The following SLC16A12 variants were observed in gnomAD, a reference collection of about 807,000 sequenced individuals.
SLC16A12 encodes solute carrier family 16 member 12.
SLC16A12 carries 17 observed loss-of-function variants against 42.4 expected under a neutral mutation model. The observed-to-expected ratio is 0.40, with a 90% CI of 0.27 to 0.60. The LOEUF (loss-of-function observed/expected upper bound fraction) is 0.60. Ranked by LOEUF, SLC16A12 falls within the 20% of genes least tolerant of loss-of-function variation. The pLI, the probability that SLC16A12 is intolerant of heterozygous loss-of-function variation, is 0.42. For missense variants in SLC16A12, 544 were observed against 623.0 expected (o/e 0.87, Z 1.35); for synonymous variants, 224 against 229.4 (o/e 0.98, Z 0.21).
chr10:89,493,731 A>G (rs899945566), intron 2 of SLC16A12, among the ~76,000 whole-genome samples: 1 of 152,174 alleles, frequency 6.6e-6, no homozygotes, highest in Admixed American at 6.5e-5. Flanking sequence ...TTATACTACC[A>G]GTGTTTTACA....
At chr10:89,491,511 T>TG (rs1456911644) in intron 2 of SLC16A12, among the ~76,000 whole-genome samples, 1 of 146,990 alleles carries the variant, frequency 6.8e-6, no homozygotes, top group Non-Finnish European at 1.5e-5. Context: ...CTAGAGGAGT[T>TG]TTTTTTTTTT....
intron 2 of SLC16A12, among the ~76,000 whole-genome samples, chr10:89,489,412 T>C (rs1035136386): frequency 4.6e-5 from 7 of 152,164 alleles, no homozygotes; most frequent in African/African-American, 1.7e-4. Context: ...AGATCTAGGC[T>C]CACTGCAACC....
intron 2 of SLC16A12, among the ~76,000 whole-genome samples, chr10:89,499,383 C>T (rs774687059): frequency 5.3e-5 from 8 of 152,024 alleles, no homozygotes; most frequent in Admixed American, 4.6e-4. Context: ...GGAGAACGCT[C>T]GTCTCTACTA....
chr10:89,438,836 A>G lies in SLC16A12; in HGVS notation c.796T>C (p.Cys266Arg). Residue 266 changes from cysteine to arginine, a missense_variant, in exon 6 of 8, where the codon TGC becomes CGC. By Grantham distance (180) the Cys-to-Arg change is radical. Transcript: ENST00000371790. Reference protein sequence around the residue: ...SSLTKEWAQTCLCCCLQQEYS... With the variant: ...SSLTKEWAQTRLCCCLQQEYS... ...TCTTGCTGCAAACAGCAACAGAGGCAAGTCTGTGCCCATTCTTTGGTCAAA... is the reference window on the plus strand; with the variant it reads ...TCTTGCTGCAAACAGCAACAGAGGCGAGTCTGTGCCCATTCTTTGGTCAAA... 1 of 1,614,198 alleles carries G rather than the reference A, an allele frequency of 6.2e-7. No individual in the cohort carries two copies. The highest frequency in any genetic ancestry group is 8.5e-7 in the Non-Finnish European group (1 of 1,180,028).
At chr10:89,464,136 G>T (rs1005680312) in intron 2 of SLC16A12, among the ~76,000 whole-genome samples, 2 of 152,226 alleles carry the variant, frequency 1.3e-5, no homozygotes, top group Non-Finnish European at 2.9e-5. Flanking sequence ...GCCTGTAGAT[G>T]CCAAGGGCAG....
rs144954878 is a variant in SLC16A12, at chr10:89,458,944, T to C, written c.200+3435A>G. On this transcript the variant is annotated intron_variant, in intron 3 of 7. Coordinates refer to ENST00000371790, the MANE Select transcript of SLC16A12 (RefSeq NM_213606.4). ...AAAAAAATTGTGCAAGTAAGATGTGTTTAACTTTTTCCTATTTGTCTGTGG... is the reference window on the plus strand; with the variant it reads ...AAAAAAATTGTGCAAGTAAGATGTGCTTAACTTTTTCCTATTTGTCTGTGG... Among the ~76,000 whole-genome samples the C allele has an allele frequency of 2.0e-3, 308 of 152,330 alleles. 2 individuals are homozygous for C. The highest frequency in any genetic ancestry group is 7.1e-3 in the African/African-American group (294 of 41,568).
chr10:89,523,109 T>G (rs557662128), intron 2 of SLC16A12, among the ~76,000 whole-genome samples: 1 of 152,224 alleles, frequency 6.6e-6, no homozygotes, highest in South Asian at 2.1e-4. Flanking sequence ...ATTTTGAACC[T>G]AGACCTTTTC....
chr10:89,536,071 A>G (rs1843655540), upstream of SLC16A12, among the ~76,000 whole-genome samples: 1 of 151,104 alleles, frequency 6.6e-6, no homozygotes, highest in Non-Finnish European at 1.5e-5. Flanking sequence ...TATGTAATGC[A>G]CCGGCTTTCT....
chr10:89,520,650 T>C (rs1843335641), intron 2 of SLC16A12, among the ~76,000 whole-genome samples: 1 of 143,914 alleles, frequency 6.9e-6, no homozygotes, highest in Non-Finnish European at 1.5e-5. Context: ...AGTTAGCAAA[T>C]GACAATCCCT....
intron 2 of SLC16A12, among the ~76,000 whole-genome samples, chr10:89,488,192 T>C (rs1363177462): frequency 1.3e-5 from 2 of 151,816 alleles, no homozygotes; most frequent in Non-Finnish European, 2.9e-5. Flanking sequence ...ACTCAATATA[T>C]CCATATAAGA....
chr10:89,466,703 A>C (rs1434047562), intron 2 of SLC16A12, among the ~76,000 whole-genome samples: 2 of 152,218 alleles, frequency 1.3e-5, no homozygotes, highest in African/African-American at 2.4e-5. Context: ...GATGGAGCCA[A>C]GCAGCAGTGT....
rs140068667 is a variant in SLC16A12, at chr10:89,529,549, CTT to C, written c.-47+4950_-47+4951del. On this transcript the variant is annotated intron_variant, in intron 2 of 7. Transcript: ENST00000371790. ...ACTGAGTCCCAATTTCCTTTACAGT[CTT>C]TTTTTTTTTTTTTTTTGAGACAGTC... Among the ~76,000 whole-genome samples the C allele has an allele frequency of 4.8e-3, 620 of 129,878 alleles. 3 individuals are homozygous for C. Among genetic ancestry groups the C allele is most frequent in the African/African-American group, 0.016 (540 of 34,528 alleles). The allele number at this position is 129,878 out of a possible 152,430, so 85.2% of individuals were successfully genotyped here. A position where few individuals can be genotyped will look rare whatever the true frequency, so the allele number is the denominator to read the frequency against.
At chr10:89,529,197 T>C (rs918596766) in intron 2 of SLC16A12, among the ~76,000 whole-genome samples, 17 of 152,160 alleles carry the variant, frequency 1.1e-4, no homozygotes, top group African/African-American at 3.9e-4. Context: ...AGAGCTGAAA[T>C]TTCTGTTTCA....
chr10:89,554,099 AGAAGGAAGGAAGGAAG>A (rs1417906738), intron 2 of SLC16A12, among the ~76,000 whole-genome samples: 1 of 14,432 alleles, frequency 6.9e-5, no homozygotes, highest in Admixed American at 5.4e-4. Context: ...AAAGAAAGAA[AGAAGGAAGGAAGGAAG>A]GAAGGAAGGA....
At chr10:89,483,889 T>C (rs555698655) in intron 2 of SLC16A12, among the ~76,000 whole-genome samples, 1 of 152,272 alleles carries the variant, frequency 6.6e-6, no homozygotes, top group Admixed American at 6.5e-5. Context: ...CTCTGATACA[T>C]GTATTATAAT....
At chr10:89,461,746 A>C (rs1431514508) in intron 3 of SLC16A12, among the ~76,000 whole-genome samples, 4 of 152,234 alleles carry the variant, frequency 2.6e-5, no homozygotes, top group Non-Finnish European at 5.9e-5. Flanking sequence ...GGAGAAACAC[A>C]CTTGTAGAAA....
At chr10:89,435,757 T>C (rs1443761953) in intron 7 of SLC16A12, among the ~76,000 whole-genome samples, 1 of 152,102 alleles carries the variant, frequency 6.6e-6, no homozygotes. Context: ...ACCCTACTTA[T>C]TTATAAGGCT....
chr10:89,541,288 A>C (rs11185749), intron 2 of SLC16A12, among the ~76,000 whole-genome samples: 2,554 of 152,110 alleles, frequency 0.017, 80 homozygotes, highest in African/African-American at 0.058. Flanking sequence ...TAAAATCACC[A>C]GTACTATTCA....
intron 2 of SLC16A12, among the ~76,000 whole-genome samples, chr10:89,533,057 T>A (rs1843583920): frequency 6.6e-6 from 1 of 152,174 alleles, no homozygotes; most frequent in Non-Finnish European, 1.5e-5. Flanking sequence ...GAACATATAT[T>A]AAATAACCAA....
Sources: allele counts gnomAD v4.1 joint callset (sites outside exome capture counted in the v4.1 genomes callset), GRCh38; gene constraint gnomAD v4.1.1; transcripts MANE v1.5; gene names NCBI Gene and HGNC (gene_info 2026-07-23, HGNC 2026-07-21).